The following TMC1 variants were observed in gnomAD, a reference collection of about 807,000 sequenced individuals.
TMC1 encodes the protein transmembrane channel like 1.
TMC1 carries 84 observed loss-of-function variants against 105.8 expected under a neutral mutation model. The observed-to-expected ratio is 0.79, with a 90% CI of 0.67 to 0.95. The LOEUF (loss-of-function observed/expected upper bound fraction) is 0.95. TMC1 is among the 40% of genes least tolerant of loss of function. The pLI is 0.00. For synonymous variants in TMC1, 315 were observed against 311.5 expected (o/e 1.01, Z -0.12); for missense variants, 817 against 914.1 (o/e 0.89, Z 1.37).
intron 13 of TMC1, among the ~76,000 whole-genome samples, chr9:72,779,806 A>G (rs1334917119): frequency 6.6e-6 from 1 of 152,162 alleles, no homozygotes; most frequent in East Asian, 1.9e-4. Flanking sequence ...CCTGAAAGAG[A>G]GGGGGAGAGA....
chr9:72,566,859 T>A (rs1453017281), intron 1 of TMC1, among the ~76,000 whole-genome samples: 1 of 152,184 alleles, frequency 6.6e-6, no homozygotes, highest in African/African-American at 2.4e-5. Context: ...CCTATCTGAG[T>A]TCCCAGCACC....
At chr9:72,675,758 A>G (rs184119696) in intron 5 of TMC1, among the ~76,000 whole-genome samples, 1 of 152,284 alleles carries the variant, frequency 6.6e-6, no homozygotes, top group Admixed American at 6.5e-5. Flanking sequence ...CAGACTGTCA[A>G]GCTCTTACTA....
intron 13 of TMC1, among the ~76,000 whole-genome samples, chr9:72,781,395 C>T (rs1431367863): frequency 6.6e-6 from 1 of 152,070 alleles, no homozygotes; most frequent in Non-Finnish European, 1.5e-5. Flanking sequence ...CTTAACATCA[C>T]ATGTAGAGAA....
At chr9:72,758,027 G>A (rs185601675) in intron 12 of TMC1, among the ~76,000 whole-genome samples, 1 of 152,286 alleles carries the variant, frequency 6.6e-6, no homozygotes, top group Non-Finnish European at 1.5e-5. Flanking sequence ...AGGAAAGGAA[G>A]CAATAGGATT....
At chr9:72,718,287 C>A (rs1428630773) in intron 8 of TMC1, among the ~76,000 whole-genome samples, 2 of 152,060 alleles carry the variant, frequency 1.3e-5, no homozygotes, top group Non-Finnish European at 2.9e-5. Flanking sequence ...ATTATTTTGT[C>A]ATATTACCAG....
intron 8 of TMC1, among the ~76,000 whole-genome samples, chr9:72,709,090 G>C (rs1252039859): frequency 6.6e-6 from 1 of 151,808 alleles, no homozygotes; most frequent in Non-Finnish European, 1.5e-5. Context: ...GAGGGAGGGG[G>C]ATCCTCTCTT....
chr9:72,834,582 C>T (rs1323165759), intron 23 of TMC1, among the ~76,000 whole-genome samples: 1 of 152,114 alleles, frequency 6.6e-6, no homozygotes, highest in Non-Finnish European at 1.5e-5. Flanking sequence ...ATTTGCCTGG[C>T]AAATCTGTAG....
chr9:72,622,170 G>A (rs185764363), intron 3 of TMC1, among the ~76,000 whole-genome samples: 16 of 152,274 alleles, frequency 1.1e-4, no homozygotes, highest in East Asian at 1.9e-4. Context: ...TACCAGCAGC[G>A]ATTTCAGAGT....
intron 2 of TMC1, among the ~76,000 whole-genome samples, chr9:72,588,892 C>T (rs1461360048): frequency 6.6e-6 from 1 of 151,808 alleles, no homozygotes; most frequent in Non-Finnish European, 1.5e-5. Flanking sequence ...TCTCCTGCCT[C>T]AGCCTCCCGA....
rs955821473 is a variant in TMC1, at chr9:72,683,669, T to G, written c.17-5040T>G. On this transcript the variant is annotated intron_variant, in intron 5 of 23. Coordinates refer to ENST00000297784, the MANE Select transcript of TMC1 (RefSeq NM_138691.3). ...AAATATGACAAATTTCACTTTATCTTAAAAGCAAAATATTAATAGTACAGA... is the reference window on the plus strand; with the variant it reads ...AAATATGACAAATTTCACTTTATCTGAAAAGCAAAATATTAATAGTACAGA... Among the ~76,000 whole-genome samples, 3 of 137,832 alleles carry G rather than the reference T, an allele frequency of 2.2e-5. No homozygotes were observed. The East Asian group carries it at 6.7e-4, about 31-fold the overall frequency. The allele number at this position is 137,832 out of a possible 152,430, so 90.4% of individuals were successfully genotyped here.
At chr9:72,650,892 A>ATATATATATATATATATATC (rs1825799322) in intron 5 of TMC1, among the ~76,000 whole-genome samples, 1 of 138,804 alleles carries the variant, frequency 7.2e-6, no homozygotes, top group African/African-American at 2.7e-5. Flanking sequence ...AGATATATAG[A>ATATATATATATATATATATC]TATATATATA....
chr9:72,580,021 G>T (rs1373409810), intron 2 of TMC1, among the ~76,000 whole-genome samples: 1 of 152,212 alleles, frequency 6.6e-6, no homozygotes. Context: ...TGGCTAAGCA[G>T]GGGTTCTGAC....
chr9:72,765,209 AT>A (rs1462320449), intron 12 of TMC1, among the ~76,000 whole-genome samples: 1 of 152,160 alleles, frequency 6.6e-6, no homozygotes, highest in Non-Finnish European at 1.5e-5. Flanking sequence ...GAAGAAAGAT[AT>A]GTTTGGGCTG....
At position 72,650,893 on chromosome 9, in the gene TMC1, T is replaced by TATATATATAAATATATATAG. The variant is rs1564468513; in HGVS notation, c.16+2239_16+2258dup. Among the ~76,000 whole-genome samples the TATATATATAAATATATATAG allele has an allele frequency of 8.5e-5, 12 of 141,708 alleles. No individual in the cohort carries two copies. In the South Asian group the frequency reaches 8.7e-4, roughly 10 times the overall value. 93.0% of individuals were successfully genotyped at this position (141,708 alleles called of 152,430 possible). ...TATTTTATATATATAGATATATAGATATATATATAAATATATATAGATATA... is the reference window on the plus strand; with the variant it reads ...TATTTTATATATATAGATATATAGATATATATATAAATATATATAGATATATATAAATATATATAGATATA... On this transcript the variant is annotated intron_variant, in intron 5 of 23. Transcript: ENST00000297784.
At chr9:72,710,343 T>A (rs1826815263) in intron 8 of TMC1, among the ~76,000 whole-genome samples, 1 of 152,214 alleles carries the variant, frequency 6.6e-6, no homozygotes, top group Admixed American at 6.5e-5. Flanking sequence ...GAATATTCTG[T>A]AAATATCTGT....
intron 10 of TMC1, among the ~76,000 whole-genome samples, chr9:72,745,419 A>G (rs1827473277): frequency 1.3e-5 from 2 of 152,158 alleles, no homozygotes; most frequent in South Asian, 4.1e-4. Flanking sequence ...GCACCAGTTC[A>G]TAAAAAGTAT....
chr9:72,583,260 C>T (rs1824501569), intron 2 of TMC1, among the ~76,000 whole-genome samples: 1 of 151,870 alleles, frequency 6.6e-6, no homozygotes, highest in Admixed American at 6.6e-5. Flanking sequence ...CCCTTCCCCT[C>T]CACGAAAGAA....
At chr9:72,764,139 A>G (rs1195165591) in intron 12 of TMC1, among the ~76,000 whole-genome samples, 2 of 152,310 alleles carry the variant, frequency 1.3e-5, no homozygotes, top group East Asian at 3.9e-4. Context: ...GATTATGTAA[A>G]TCTACATTCA....
chr9:72,765,730 G>A lies in TMC1; in HGVS notation c.742-6683G>A, dbSNP rs565101927. Among the ~76,000 whole-genome samples, 114 of 152,050 alleles carry A rather than the reference G, an allele frequency of 7.5e-4. 1 individual carries two copies. The highest frequency in any genetic ancestry group is 3.9e-4 in the Admixed American group (6 of 15,266). ...GACTTTATCCTATAGGCAGCGGAGC[G>A]CACCTGAGATAGGAGGAAGGAGCAG... On this transcript the variant is annotated intron_variant, in intron 12 of 23. Transcript: ENST00000297784.
Sources: gnomAD v4.1 joint callset for allele counts (sites outside exome capture counted in the v4.1 genomes callset) on GRCh38, gnomAD v4.1.1 for gene constraint, MANE v1.5 for transcripts, NCBI Gene and HGNC (gene_info 2026-07-23, HGNC 2026-07-21) for gene names.